ASB9: variants seen among roughly 807,000 people sequenced by gnomAD.
ASB9 encodes the protein ankyrin repeat and SOCS box containing 9, also known as ankyrin repeat and SOCS box protein 9.
A neutral mutation model predicts 16.6 loss-of-function variants in ASB9; 5 were observed. The ratio of observed to expected loss-of-function variants is 0.30; its 90% CI spans 0.16 to 0.63. The LOEUF (loss-of-function observed/expected upper bound fraction) is 0.63, where lower values mean the gene tolerates loss of function less well. Ranked by LOEUF, ASB9 falls within the 30% of genes least tolerant of loss-of-function variation. ASB9 has a pLI of 0.82. For synonymous variants in ASB9, 100 were observed against 86.4 expected (o/e 1.16, Z -0.87); for missense variants, 216 against 229.4 (o/e 0.94, Z 0.38).
chrX:15,263,689 C>T (rs1417692043), intron 1 of ASB9, among the ~76,000 whole-genome samples: 4 of 111,066 alleles, frequency 3.6e-5, no homozygotes, highest in African/African-American at 1.3e-4. Context: ...CCCCAGAAAA[C>T]TCACCCCTCC....
chrX:15,255,426 C>G (rs1925458900), intron 2 of ASB9, among the ~76,000 whole-genome samples: 1 of 111,139 alleles, frequency 9.0e-6, no homozygotes, highest in Admixed American at 9.6e-5. Context: ...AGAGTAAAAC[C>G]ATAAAGAAAA....
At chrX:15,255,102 G>A (rs1471432923) in intron 2 of ASB9, among the ~76,000 whole-genome samples, 1 of 111,456 alleles carries the variant, frequency 9.0e-6, no homozygotes, top group East Asian at 2.8e-4. Flanking sequence ...TCAGCAATTT[G>A]ACTCTTAGGT....
chrX:15,245,365 T>G, intron 6 of ASB9, among the ~76,000 whole-genome samples: 1 of 110,449 alleles, frequency 9.1e-6, no homozygotes, highest in Non-Finnish European at 1.9e-5. Context: ...CAAGGATGCT[T>G]CTAAAAATCC....
rs1716434995 is a variant in ASB9 at position 15,244,276 on chromosome X, C to T, written c.*230G>A. On this transcript the variant is annotated 3_prime_UTR_variant, in exon 7 of 7. Coordinates refer to ENST00000380488, the MANE Select transcript of ASB9 (RefSeq NM_001031739.3). ...GCAGGGAAAAAAGTCTTCATGCCTT[C>T]TAACTAATAATACAAACGTATGCAG... 2.9e-6 allele frequency: 1 copy of T among 347,203 alleles called. No individual in the cohort carries two copies. Among genetic ancestry groups the T allele is most frequent in the Non-Finnish European group, 4.9e-6 (1 of 205,355 alleles). The allele number at this position is 347,203 out of a possible 1,213,427, so 28.6% of individuals were successfully genotyped here.
At chrX:15,252,114 A>C in intron 4 of ASB9, 140 bp downstream of exon 4, 1 of 643,056 alleles carries the variant, frequency 1.6e-6, no homozygotes, top group Non-Finnish European at 2.3e-6. Flanking sequence ...TTTGCAGGCC[A>C]GGTCATGCTG....
chrX:15,265,482 T>G (rs1337971496), intron 1 of ASB9, among the ~76,000 whole-genome samples: 1 of 112,131 alleles, frequency 8.9e-6, no homozygotes, highest in East Asian at 2.8e-4. Context: ...ATTTCCAAAG[T>G]TCGATCCAAA....
At chrX:15,264,866 G>A (rs969238549) in intron 1 of ASB9, among the ~76,000 whole-genome samples, 2 of 111,962 alleles carry the variant, frequency 1.8e-5, no homozygotes, top group Non-Finnish European at 3.8e-5. Flanking sequence ...CTTCATGGGG[G>A]CAATGGCTCA....
intron 6 of ASB9, among the ~76,000 whole-genome samples, chrX:15,245,360 A>T (rs1488587621): frequency 9.0e-6 from 1 of 110,709 alleles, no homozygotes; most frequent in Non-Finnish European, 1.9e-5. Context: ...GAGGCCAAGG[A>T]TGCTTCTAAA....
chrX:15,264,829 T>C (rs191851968), intron 1 of ASB9, among the ~76,000 whole-genome samples: 215 of 111,370 alleles, frequency 1.9e-3, no homozygotes, highest in African/African-American at 6.8e-3. Context: ...TCCACTTGAG[T>C]AGGGAGAGGT....
intron 1 of ASB9, among the ~76,000 whole-genome samples, chrX:15,261,739 G>A (rs1302765321): frequency 1.8e-5 from 2 of 112,380 alleles, no homozygotes; most frequent in Non-Finnish European, 3.8e-5. Flanking sequence ...CGTAGTGAGG[G>A]GCTGACAATG....
chrX:15,256,974 C>T (rs990144353), intron 2 of ASB9, among the ~76,000 whole-genome samples: 1 of 110,534 alleles, frequency 9.0e-6, no homozygotes, highest in Admixed American at 9.7e-5. Flanking sequence ...GTATGATTGT[C>T]ACATGAAGCA....
chrX:15,251,581 C>T (rs1294313166), intron 4 of ASB9, among the ~76,000 whole-genome samples: 1 of 111,949 alleles, frequency 8.9e-6, no homozygotes, highest in Non-Finnish European at 1.9e-5. Flanking sequence ...AATGGGAAGC[C>T]ATTCTATGAA....
intron 6 of ASB9, among the ~76,000 whole-genome samples, chrX:15,246,480 G>GT (rs1187010805): frequency 9.0e-6 from 1 of 110,816 alleles, no homozygotes; most frequent in African/African-American, 3.3e-5. Context: ...TTGATGTTTT[G>GT]TTTTTTGTTT....
intron 5 of ASB9, 44 bp from the exon 6 acceptor site, chrX:15,248,979 T>A: frequency 1.8e-6 from 2 of 1,096,274 alleles, no homozygotes; most frequent in Non-Finnish European, 2.4e-6. Flanking sequence ...AGGAGCAGAA[T>A]CCAACCATCG....
intron 1 of ASB9, among the ~76,000 whole-genome samples, chrX:15,269,227 T>C (rs1364358683): frequency 1.8e-5 from 2 of 112,122 alleles, no homozygotes; most frequent in Non-Finnish European, 3.8e-5. Flanking sequence ...TGCTGAATGC[T>C]CACCGAAGTG....
chrX:15,264,135 C>T (rs1282200484), intron 1 of ASB9, among the ~76,000 whole-genome samples: 1 of 111,461 alleles, frequency 9.0e-6, no homozygotes, highest in Admixed American at 9.5e-5. Context: ...GGGAAAAATC[C>T]TTCCTTGCCT....
At chrX:15,245,252 G>A (rs1226147324) in intron 6 of ASB9, among the ~76,000 whole-genome samples, 1 of 111,340 alleles carries the variant, frequency 9.0e-6, no homozygotes, top group East Asian at 2.8e-4. Flanking sequence ...AGGAAAGGAG[G>A]AGGAGATCAT....
intron 1 of ASB9, among the ~76,000 whole-genome samples, chrX:15,262,005 C>T (rs765505982): frequency 8.9e-6 from 1 of 112,119 alleles, no homozygotes; most frequent in African/African-American, 3.2e-5. Flanking sequence ...ATGGATTTGC[C>T]TATTCTGGAC....
At chrX:15,264,745 T>C (rs1926251430) in intron 1 of ASB9, among the ~76,000 whole-genome samples, 1 of 111,901 alleles carries the variant, frequency 8.9e-6, no homozygotes, top group African/African-American at 3.3e-5. Context: ...CTCAGAAGCA[T>C]AAACAAAAGC....
Sources: gnomAD v4.1 joint callset for allele counts (sites outside exome capture counted in the v4.1 genomes callset) on GRCh38, gnomAD v4.1.1 for gene constraint, MANE v1.5 for transcripts, NCBI Gene and HGNC (gene_info 2026-07-23, HGNC 2026-07-21) for gene names.